Variants in MARCHF1 observed in about 807,000 individuals in gnomAD.
MARCHF1 encodes E3 ubiquitin-protein ligase MARCHF1.
A neutral mutation model predicts 54.2 loss-of-function variants in MARCHF1; 40 were observed. That is an observed-to-expected ratio of 0.74 (90% CI 0.57 to 0.96). The LOEUF (loss-of-function observed/expected upper bound fraction) is 0.96, where lower values mean the gene tolerates loss of function less well. Ranked by LOEUF, MARCHF1 falls within the 40% of genes least tolerant of loss-of-function variation. The pLI, the probability that MARCHF1 is intolerant of heterozygous loss-of-function variation, is 0.00. For missense variants in MARCHF1, 586 were observed against 656.5 expected (o/e 0.89, Z 1.17); for synonymous variants, 236 against 236.3 (o/e 1.00, Z 0.01).
chr4:163,642,978 T>C (rs1250821355), intron 5 of MARCHF1, among the ~76,000 whole-genome samples: 1 of 151,754 alleles, frequency 6.6e-6, no homozygotes, highest in Non-Finnish European at 1.5e-5. Flanking sequence ...TGTGTGTGTG[T>C]ATATATACAC....
rs561247821 is a variant in MARCHF1 at position 164,284,561 on chromosome 4, T to C, written c.-323+99309A>G. On this transcript the variant is annotated intron_variant, in intron 1 of 9. Transcript: ENST00000514618. ...GAAAAAGCTGAAAAACTACTTTGCATAAACACTTTTAATTAGTTTTAAATA... is the reference window on the plus strand; with the variant it reads ...GAAAAAGCTGAAAAACTACTTTGCACAAACACTTTTAATTAGTTTTAAATA... 3.2e-4 allele frequency among the ~76,000 whole-genome samples: 48 copies of C among 151,124 alleles called. 2 individuals carry two copies. The highest frequency in any genetic ancestry group is 7.4e-4 in the Admixed American group (11 of 14,890).
At chr4:163,563,350 C>T (rs1739534422) in intron 8 of MARCHF1, among the ~76,000 whole-genome samples, 1 of 152,192 alleles carries the variant, frequency 6.6e-6, no homozygotes, top group African/African-American at 2.4e-5. Flanking sequence ...CTGGCAAAGC[C>T]AGCTATTTTG....
At chr4:164,313,478 G>A (rs1734920853) in intron 1 of MARCHF1, among the ~76,000 whole-genome samples, 1 of 151,772 alleles carries the variant, frequency 6.6e-6, no homozygotes, top group South Asian at 2.1e-4. Context: ...CCAAAGCCTA[G>A]ATCCTCTGCA....
intron 5 of MARCHF1, among the ~76,000 whole-genome samples, chr4:163,679,762 AC>A (rs1163288136): frequency 1.3e-5 from 2 of 151,606 alleles, no homozygotes; most frequent in Non-Finnish European, 2.9e-5. Flanking sequence ...ACGGGCGCCC[AC>A]CACCACGCCC....
intron 3 of MARCHF1, among the ~76,000 whole-genome samples, chr4:163,965,600 T>G (rs1443265228): frequency 6.6e-6 from 1 of 152,054 alleles, no homozygotes; most frequent in African/African-American, 2.4e-5. Flanking sequence ...ATCTCTGTCT[T>G]GTCTCTAGTA....
chr4:164,262,180 A>G (rs976402708), intron 1 of MARCHF1, among the ~76,000 whole-genome samples: 22 of 151,902 alleles, frequency 1.4e-4, no homozygotes, highest in African/African-American at 5.1e-4. Flanking sequence ...ACCTCCCAAG[A>G]GGTGAACATA....
At chr4:164,240,701 C>T (rs1046293060) in intron 1 of MARCHF1, among the ~76,000 whole-genome samples, 93 of 152,000 alleles carry the variant, frequency 6.1e-4, no homozygotes, top group Non-Finnish European at 1.8e-4. Flanking sequence ...AGCTAACTGC[C>T]CTGGCTCATT....
chr4:164,087,807 G>GT (rs10706800), intron 2 of MARCHF1, among the ~76,000 whole-genome samples: 15,652 of 147,118 alleles, frequency 0.11, 1,086 homozygotes, highest in Middle Eastern at 0.22. Flanking sequence ...TTTTTTCTGT[G>GT]TTTTTTTTTT....
intron 4 of MARCHF1, among the ~76,000 whole-genome samples, chr4:163,748,199 C>T (rs1390465880): frequency 6.6e-6 from 1 of 152,146 alleles, no homozygotes; most frequent in Non-Finnish European, 1.5e-5. Context: ...CCCCCTGGGG[C>T]TCTACAGAAC....
At chr4:163,722,476 C>T (rs1219306461) in intron 4 of MARCHF1, among the ~76,000 whole-genome samples, 9 of 152,144 alleles carry the variant, frequency 5.9e-5, no homozygotes, top group Non-Finnish European at 7.4e-5. Flanking sequence ...GGAATAAGTG[C>T]GATGTGGTGC....
At chr4:163,578,363 C>G (rs1192245663) in intron 8 of MARCHF1, among the ~76,000 whole-genome samples, 3 of 152,046 alleles carry the variant, frequency 2.0e-5, no homozygotes, top group Non-Finnish European at 4.4e-5. Context: ...ACAGAATTAA[C>G]AGAATTAAAG....
intron 7 of MARCHF1, among the ~76,000 whole-genome samples, chr4:163,592,808 A>G (rs1272622652): frequency 6.6e-6 from 1 of 152,042 alleles, no homozygotes; most frequent in African/African-American, 2.4e-5. Context: ...TCAGTCTCAT[A>G]GTGGGCCGGA....
At chr4:163,658,683 T>TG (rs1719511794) in intron 5 of MARCHF1, among the ~76,000 whole-genome samples, 1 of 151,938 alleles carries the variant, frequency 6.6e-6, no homozygotes, top group African/African-American at 2.4e-5. Flanking sequence ...AGCAAACTCA[T>TG]GTAGGAAGAG....
In MARCHF1 at chr4:164,345,792, G is replaced by A. The variant is rs180866057; in HGVS notation, c.-323+38078C>T. On this transcript the variant is annotated intron_variant, in intron 1 of 9. Coordinates refer to ENST00000514618, the MANE Select transcript of MARCHF1 (RefSeq NM_001394959.1). ...TTTTATCATCTGCTGCTGGTTTTTT[G>A]TTTTCAAAGTTGTTTATTTTTTTCT... Among the ~76,000 whole-genome samples the A allele has an allele frequency of 2.5e-4, 38 of 151,260 alleles. 4 individuals carry two copies. The East Asian group carries it at 3.7e-3, about 15-fold the overall frequency.
intron 3 of MARCHF1, among the ~76,000 whole-genome samples, chr4:163,958,015 G>A: frequency 6.6e-6 from 1 of 151,940 alleles, no homozygotes; most frequent in Non-Finnish European, 1.5e-5. Flanking sequence ...TACAATAAGA[G>A]CCCGAAAGAC....
intron 3 of MARCHF1, chr4:163,932,644 T>A: frequency 2.2e-6 from 1 of 458,916 alleles, no homozygotes; most frequent in South Asian, 1.8e-5. Flanking sequence ...GAGTGCAACC[T>A]GCTTTCCGTG....
intron 1 of MARCHF1, chr4:164,197,034 T>C: frequency 2.5e-6 from 4 of 1,605,624 alleles, no homozygotes; most frequent in South Asian, 2.2e-5. Context: ...CCCTTTCTTC[T>C]TCACCAAGCT....
In MARCHF1 at chr4:163,995,862, T is replaced by A. The variant is rs146376516; in HGVS notation, c.-247-7153A>T. ...CAGAGACCCCTGTTCTTTCATCAAT[T>A]TCTGACCCTATTTGATGAGTATAAA... On this transcript the variant is annotated intron_variant, in intron 2 of 9. Coordinates refer to ENST00000514618, the MANE Select transcript of MARCHF1 (RefSeq NM_001394959.1). Among the ~76,000 whole-genome samples, 494 of 152,126 alleles carry A rather than the reference T, an allele frequency of 3.2e-3. 2 individuals carry two copies. The highest frequency in any genetic ancestry group is 0.011 in the African/African-American group (471 of 41,520).
chr4:164,100,004 T>C (rs145409353), intron 2 of MARCHF1, among the ~76,000 whole-genome samples: 7 of 152,312 alleles, frequency 4.6e-5, no homozygotes, highest in African/African-American at 1.2e-4. Context: ...TGGTAACTGA[T>C]AGTCTCTGTA....
Sources: allele counts gnomAD v4.1 joint callset (sites outside exome capture counted in the v4.1 genomes callset), GRCh38; gene constraint gnomAD v4.1.1; transcripts MANE v1.5; gene names NCBI Gene and HGNC (gene_info 2026-07-23, HGNC 2026-07-21).